SLC12A7: variants seen among roughly 807,000 people sequenced by gnomAD.
SLC12A7 encodes K-Cl cotransporter 4.
A neutral mutation model predicts 120.6 loss-of-function variants in SLC12A7; 100 were observed. That is an observed-to-expected ratio of 0.83 (90% CI 0.71 to 0.98). SLC12A7 has a LOEUF of 0.98. Among genes scored for constraint, SLC12A7 ranks in the 50% least tolerant of loss-of-function variants. The pLI is 0.00. For missense variants in SLC12A7, 1,373 were observed against 1,548.1 expected (o/e 0.89, Z 1.90); for synonymous variants, 760 against 678.0 (o/e 1.12, Z -1.88).
In SLC12A7 at chr5:1,083,835, G is replaced by T; in HGVS notation, c.1039C>A (p.Gln347Lys). Residue 347 changes from glutamine to lysine, a missense_variant, in exon 8 of 24, where the codon CAG becomes AAG. Gln to Lys is a moderately conservative substitution (Grantham distance 53, BLOSUM62 1). Coordinates refer to ENST00000264930, the MANE Select transcript of SLC12A7 (RefSeq NM_006598.3). ...ALWGLFCNGS[Q>K]PSAACDEYFI... ...TACTCGTCACAGGCGGCGCTGGGCT[G>T]GGAGCCGTTGCAGAAGAGGCCCCAG... 6.2e-7 allele frequency: 1 copy of T among 1,608,698 alleles called. No homozygotes were observed. The highest frequency in any genetic ancestry group is 8.5e-7 in the Non-Finnish European group (1 of 1,177,286).
chr5:1,122,537 G>A, the SLC12A7 span, among the ~76,000 whole-genome samples: 5 of 152,088 alleles, frequency 3.3e-5, no homozygotes, highest in Admixed American at 1.3e-4. Flanking sequence ...AGTGTCCGAC[G>A]GACGAACCGC....
chr5:1,125,028 A>C, the SLC12A7 span, among the ~76,000 whole-genome samples: 1 of 152,136 alleles, frequency 6.6e-6, no homozygotes, highest in Non-Finnish European at 1.5e-5. Flanking sequence ...AGATTTGAAC[A>C]ACCCATAAGC....
intron 18 of SLC12A7, 22 bp from the exon 19 acceptor site, chr5:1,064,274 C>T (rs751739887): frequency 3.8e-6 from 6 of 1,597,874 alleles, no homozygotes; most frequent in Admixed American, 1.7e-5. Context: ...GGCGGCCGTC[C>T]GCAGGTCATC....
At chr5:1,069,552 C>G (rs74898345) in intron 17 of SLC12A7, among the ~76,000 whole-genome samples, 1 of 152,138 alleles carries the variant, frequency 6.6e-6, no homozygotes, top group African/African-American at 2.4e-5. Flanking sequence ...GCAACAGGCA[C>G]GTGGTATAGG....
At position 1,063,317 on chromosome 5, in the gene SLC12A7, C is replaced by T. The variant is rs554279658; in HGVS notation, c.2739+527G>A. 2.4e-4 allele frequency among the ~76,000 whole-genome samples: 37 copies of T among 152,312 alleles called. 1 individual carries two copies. Among genetic ancestry groups the T allele is most frequent in the African/African-American group, 7.5e-4 (31 of 41,566 alleles). On this transcript the variant is annotated intron_variant, in intron 20 of 23. Coordinates refer to ENST00000264930, the MANE Select transcript of SLC12A7 (RefSeq NM_006598.3). Reference sequence around the variant, plus strand: ...GTTTCCAGCCGTGGGAAGGTGAGCCCATCTGGGGAGAGCACCCAAAACGGG... The same window carrying T: ...GTTTCCAGCCGTGGGAAGGTGAGCCTATCTGGGGAGAGCACCCAAAACGGG...
intron 7 of SLC12A7, 55 bp downstream of exon 7, chr5:1,085,177 T>A (rs1362835920): frequency 9.4e-6 from 15 of 1,589,174 alleles, no homozygotes; most frequent in Non-Finnish European, 1.7e-6. Flanking sequence ...GCAGAGCCCA[T>A]GGGACCTGGC....
the SLC12A7 span, among the ~76,000 whole-genome samples, chr5:1,140,179 C>T: frequency 6.6e-6 from 1 of 152,224 alleles, no homozygotes; most frequent in Non-Finnish European, 1.5e-5. Flanking sequence ...CTGGCTGTCT[C>T]GTACCAGCCG....
intron 22 of SLC12A7, among the ~76,000 whole-genome samples, chr5:1,054,267 T>C (rs1254528835): frequency 6.6e-6 from 1 of 152,226 alleles, no homozygotes; most frequent in Non-Finnish European, 1.5e-5. Flanking sequence ...CCCTGTCTGC[T>C]CTCTGAAGCT....
chr5:1,095,962 C>T lies in SLC12A7; in HGVS notation c.125-1714G>A, dbSNP rs576793856. ...CAGAGAGGCCAGTGCCACGGAGCAG[C>T]GGCCCCACCCCTCAAAAACGTCAGG... On this transcript the variant is annotated intron_variant, in intron 1 of 23. Transcript: ENST00000264930. 2.2e-4 allele frequency among the ~76,000 whole-genome samples: 34 copies of T among 152,294 alleles called. 1 individual carries two copies. In the South Asian group the frequency reaches 5.2e-3, roughly 23 times the overall value.
chr5:1,053,292 C>G, intron 23 of SLC12A7, 57 bp downstream of exon 23: 1 of 1,575,888 alleles, frequency 6.3e-7, no homozygotes. Context: ...CAGGTCTTAG[C>G]GAGAAGCCAC....
chr5:1,105,827 G>A (rs1350003000), intron 1 of SLC12A7, among the ~76,000 whole-genome samples: 3 of 152,136 alleles, frequency 2.0e-5, no homozygotes, highest in Non-Finnish European at 4.4e-5. Context: ...GACACCCCCA[G>A]CCCAGCCCAC....
the SLC12A7 span, among the ~76,000 whole-genome samples, chr5:1,144,867 A>G: frequency 2.8e-3 from 432 of 152,374 alleles, 2 homozygotes; most frequent in African/African-American, 9.7e-3. Flanking sequence ...CGAGCGGCAG[A>G]AAGCAGGGAT....
chr5:1,069,524 C>T (rs947507425), intron 17 of SLC12A7, among the ~76,000 whole-genome samples: 1 of 152,228 alleles, frequency 6.6e-6, no homozygotes, highest in Admixed American at 6.5e-5. Context: ...ATGGGAGGGA[C>T]CTCGGACACA....
chr5:1,077,820 G>T lies in SLC12A7; in HGVS notation c.1629+13C>A. On this transcript the variant is annotated intron_variant, in intron 12 of 23. Transcript: ENST00000264930. ...ACCTTCCAGGGTCCCCCCGACGAGG[G>T]TGCGGGACTCACCTGCAGGAAGGGG... 1.3e-6 allele frequency: 2 copies of T among 1,571,094 alleles called. No homozygotes were observed. The highest frequency in any genetic ancestry group is 1.7e-6 in the Non-Finnish European group (2 of 1,159,042).
chr5:1,147,786 C>G, the SLC12A7 span, among the ~76,000 whole-genome samples: 1 of 152,090 alleles, frequency 6.6e-6, no homozygotes, highest in African/African-American at 2.4e-5. Context: ...CTCTGTCACC[C>G]AGGCTGAGAG....
intron 1 of SLC12A7, among the ~76,000 whole-genome samples, chr5:1,106,181 G>A (rs1045420591): frequency 6.6e-6 from 1 of 152,216 alleles, no homozygotes; most frequent in Non-Finnish European, 1.5e-5. Context: ...GGCCAGATAT[G>A]GTGGCTCACT....
chr5:1,126,222 G>A, the SLC12A7 span, among the ~76,000 whole-genome samples: 1 of 151,984 alleles, frequency 6.6e-6, no homozygotes, highest in African/African-American at 2.4e-5. Flanking sequence ...CTGACAGCTG[G>A]GATTACAGGC....
Position 1,064,196 on chromosome 5 carries a change from C to A in SLC12A7, c.2494G>T (p.Asp832Tyr). The change falls in exon 19 of 24, where the codon GAC (aspartate) becomes TAC (tyrosine). Residue 832 changes from aspartate (D) to tyrosine (Y), a missense_variant. Physicochemically the swap from Asp to Tyr is radical, Grantham distance 160 (BLOSUM62 -3). Transcript: ENST00000264930. ...HQALLVAKNV[D>Y]SFPQNQERFG... Reference sequence around the variant, plus strand: ...CGCTCCTGGTTTTGCGGAAACGAGTCGACGTTCTTGGCCACCAGCAGAGCC... The same window carrying A: ...CGCTCCTGGTTTTGCGGAAACGAGTAGACGTTCTTGGCCACCAGCAGAGCC... 6.2e-7 allele frequency: 1 copy of A among 1,612,376 alleles called. No individual in the cohort carries two copies. The highest frequency in any genetic ancestry group is 1.1e-5 in the South Asian group (1 of 91,072).
intron 1 of SLC12A7, among the ~76,000 whole-genome samples, chr5:1,095,373 G>A (rs1018949153): frequency 1.3e-5 from 2 of 152,184 alleles, no homozygotes; most frequent in Non-Finnish European, 2.9e-5. Context: ...TCAGAACAGG[G>A]TCTGCAAATG....
Sources: allele counts gnomAD v4.1 joint callset (sites outside exome capture counted in the v4.1 genomes callset), GRCh38; gene constraint gnomAD v4.1.1; transcripts MANE v1.5; gene names NCBI Gene and HGNC (gene_info 2026-07-23, HGNC 2026-07-21).